Variants in TMX3 observed in about 807,000 individuals in gnomAD.
TMX3 encodes the protein protein disulfide-isomerase TMX3.
Under a neutral mutation model 64.4 loss-of-function variants are expected in TMX3, and 40 were observed. The ratio of observed to expected loss-of-function variants is 0.62; its 90% CI spans 0.48 to 0.81. TMX3 has a LOEUF of 0.81. Among genes scored for constraint, TMX3 ranks in the 30% least tolerant of loss-of-function variants. The pLI is 0.00. For missense variants in TMX3, 497 were observed against 534.5 expected (o/e 0.93, Z 0.69); for synonymous variants, 189 against 175.7 (o/e 1.08, Z -0.60).
intron 9 of TMX3, among the ~76,000 whole-genome samples, chr18:68,690,265 TA>T (rs1914388202): frequency 6.6e-6 from 1 of 152,178 alleles, no homozygotes; most frequent in South Asian, 2.1e-4. Context: ...TCCAACATGG[TA>T]ACCACAAGCC....
rs558696275 is a variant in TMX3, at chr18:68,701,392, C to T, written c.311+353G>A. Reference sequence around the variant, plus strand: ...TGTACACTTTATTAGACTTGATCAACACCTACAGATTAGAGTATCATCAAC... The same window carrying T: ...TGTACACTTTATTAGACTTGATCAATACCTACAGATTAGAGTATCATCAAC... On this transcript the variant is annotated intron_variant, in intron 5 of 15. Transcript: ENST00000299608. Among the ~76,000 whole-genome samples the T allele has an allele frequency of 1.7e-3, 258 of 152,216 alleles. 7 individuals carry two copies. In the South Asian group the frequency reaches 0.051, roughly 30 times the overall value.
At chr18:68,688,909 G>A (rs1309758202) in intron 9 of TMX3, 1 of 152,188 alleles carries the variant, frequency 6.6e-6, no homozygotes, top group Admixed American at 6.5e-5. Flanking sequence ...GGGAGATGGG[G>A]AGGAGGACAA....
In TMX3 at chr18:68,682,932, G is replaced by A. The variant is rs1246999770; in HGVS notation, c.898C>T (p.Leu300=). ...ATTCAGCACTTTACTTACTCCATCA[G>A]CAAGGTATTTATGTAGTCATTTCCA... ...MDGNDYINTL[L]MDELTVPTVV... is the part of the protein sequence containing the mutation. Residue 300 remains leucine, a synonymous_variant, in exon 13 of 16, where the codon CTG becomes TTG. Coordinates refer to ENST00000299608, the MANE Select transcript of TMX3 (RefSeq NM_019022.5). 6.2e-7 allele frequency: 1 copy of A among 1,606,462 alleles called. No individual in the cohort carries two copies.
rs1417485741 is a variant in TMX3, at chr18:68,675,290, C to A, written c.*1643G>T. 1.3e-5 allele frequency: 2 copies of A among 152,088 alleles called. No individual in the cohort carries two copies. The highest frequency in any genetic ancestry group is 2.9e-5 in the Non-Finnish European group (2 of 67,976). The allele number at this position is 152,088 out of a possible 1,614,324, so 9.4% of individuals were successfully genotyped here. On this transcript the variant is annotated 3_prime_UTR_variant, in exon 16 of 16. Coordinates refer to ENST00000299608, the MANE Select transcript of TMX3 (RefSeq NM_019022.5). ...TTTATCTCTGGTTTCCACTTAATAT[C>A]ATTTCACTCTAGTAGTTCCTGAATT...
intron 2 of TMX3, among the ~76,000 whole-genome samples, chr18:68,712,252 T>C (rs1203292025): frequency 6.6e-6 from 1 of 152,156 alleles, no homozygotes. Flanking sequence ...ACAGACAGAA[T>C]GAGAGGCCCA....
intron 1 of TMX3, among the ~76,000 whole-genome samples, 191 bp downstream of exon 1, chr18:68,714,745 G>A (rs1346474579): frequency 1.3e-5 from 2 of 152,216 alleles, no homozygotes; most frequent in South Asian, 2.1e-4. Flanking sequence ...GGCGGCGGAA[G>A]GACCCCAAGG....
At position 68,684,242 on chromosome 18, in the gene TMX3, A is replaced by C. The variant is rs1913726493; in HGVS notation, c.796T>G (p.Leu266Val). The change falls in exon 12 of 16, where the codon TTG becomes GTG. Residue 266 changes from leucine (L) to valine (V), a missense_variant and splice_region_variant. Leu to Val is a conservative substitution (Grantham distance 32, BLOSUM62 1). Transcript: ENST00000299608. ...GCAACTTCCTGAATAATTGACTTCAATCTGTAGAAGAACAAACATATGAAT... is the reference window on the plus strand; with the variant it reads ...GCAACTTCCTGAATAATTGACTTCACTCTGTAGAAGAACAAACATATGAAT... ...EKNTSVEHTR[L>V]KSIIQEVARD... 1.2e-6 allele frequency: 2 copies of C among 1,611,270 alleles called. No homozygotes were observed. Among genetic ancestry groups the C allele is most frequent in the Non-Finnish European group, 1.7e-6 (2 of 1,177,954 alleles).
chr18:68,714,858 C>A (rs1407566982), intron 1 of TMX3, 78 bp downstream of exon 1: 1 of 1,540,278 alleles, frequency 6.5e-7, no homozygotes, highest in Non-Finnish European at 8.8e-7. Context: ...TCGCCCCAGA[C>A]CCGGGTCCAA....
chr18:68,714,993 A>G lies in TMX3; in HGVS notation c.-12T>C, dbSNP rs1445199074. 2 of 1,566,936 alleles carry G rather than the reference A, an allele frequency of 1.3e-6. No individual in the cohort carries two copies. Among genetic ancestry groups the G allele is most frequent in the African/African-American group, 2.7e-5 (2 of 73,582 alleles). Reference sequence around the variant, plus strand: ...TTCCACGCTGCCATGCTAGCCCGGGAGAGCTGCAGAAGCTGACTGTGCAAA... The same window carrying G: ...TTCCACGCTGCCATGCTAGCCCGGGGGAGCTGCAGAAGCTGACTGTGCAAA... On this transcript the variant is annotated 5_prime_UTR_variant, in exon 1 of 16. Transcript: ENST00000299608.
chr18:68,688,419 T>C (rs1012775046), intron 9 of TMX3: 5 of 152,156 alleles, frequency 3.3e-5, no homozygotes, highest in Non-Finnish European at 7.4e-5. Flanking sequence ...AGATAGAAAA[T>C]ATAATATCTA....
intron 4 of TMX3, among the ~76,000 whole-genome samples, chr18:68,703,526 G>C (rs1228975775): frequency 1.3e-5 from 2 of 152,014 alleles, no homozygotes; most frequent in Non-Finnish European, 2.9e-5. Context: ...TATTCACATC[G>C]AGACAATGGA....
intron 7 of TMX3, 96 bp from the exon 8 acceptor site, chr18:68,697,399 G>A (rs1599323427): frequency 1.7e-6 from 1 of 591,432 alleles, no homozygotes. Context: ...TGTAGTAAGA[G>A]TCATCACCTT....
chr18:68,702,505 T>G (rs890943583), intron 4 of TMX3, among the ~76,000 whole-genome samples: 16 of 152,044 alleles, frequency 1.1e-4, no homozygotes, highest in African/African-American at 3.6e-4. Context: ...CCTTAAACAG[T>G]AGAGAAATCA....
chr18:68,695,093 TTTC>T (rs146088737), intron 8 of TMX3, among the ~76,000 whole-genome samples: 23,157 of 152,070 alleles, frequency 0.15, 2,269 homozygotes, highest in African/African-American at 0.28. Context: ...TGGTCTCCAC[TTTC>T]TTACTTGCCA....
chr18:68,694,326 C>A (rs961402855), intron 8 of TMX3, among the ~76,000 whole-genome samples: 10 of 152,178 alleles, frequency 6.6e-5, no homozygotes, highest in African/African-American at 1.9e-4. Context: ...AGCTTTCAGG[C>A]ACCATTGTGT....
At chr18:68,681,933 A>C (rs183948398) in intron 13 of TMX3, among the ~76,000 whole-genome samples, 7 of 152,270 alleles carry the variant, frequency 4.6e-5, no homozygotes, top group Non-Finnish European at 8.8e-5. Flanking sequence ...GTTCTGCCTG[A>C]AATACTATCC....
At chr18:68,693,197 A>T (rs564023855) in intron 8 of TMX3, among the ~76,000 whole-genome samples, 104 of 152,306 alleles carry the variant, frequency 6.8e-4, no homozygotes, top group African/African-American at 2.4e-3. Flanking sequence ...TACTCATGGC[A>T]GTGGCAGCCC....
At chr18:68,707,961 GTA>G (rs1483036536) in intron 4 of TMX3, among the ~76,000 whole-genome samples, 32 of 150,514 alleles carry the variant, frequency 2.1e-4, no homozygotes, top group African/African-American at 7.9e-4. Flanking sequence ...GTATATATGT[GTA>G]TATGTGTACA....
intron 10 of TMX3, chr18:68,687,143 T>G (rs1914043501): frequency 1.0e-6 from 1 of 984,870 alleles, no homozygotes; most frequent in African/African-American, 1.7e-5. Context: ...CTCCTAAAAC[T>G]TACAGTTAGC....
Sources: allele counts gnomAD v4.1 joint callset (sites outside exome capture counted in the v4.1 genomes callset), GRCh38; gene constraint gnomAD v4.1.1; transcripts MANE v1.5; gene names NCBI Gene and HGNC (gene_info 2026-07-23, HGNC 2026-07-21).